Variants in WFDC8 observed in about 807,000 individuals in gnomAD.
WFDC8 encodes the protein WAP four-disulfide core domain 8.
WFDC8 carries 24 observed loss-of-function variants against 27.0 expected under a neutral mutation model. The ratio of observed to expected loss-of-function variants is 0.89; its 90% confidence interval spans 0.64 to 1.25. WFDC8 has a LOEUF of 1.25. Ranked by LOEUF, WFDC8 falls within the 50% of genes most tolerant of loss-of-function variation. The pLI is 0.00. For missense variants in WFDC8, 287 were observed against 295.9 expected (o/e 0.97, Z 0.22); for synonymous variants, 106 against 99.7 (o/e 1.06, Z -0.38).
At chr20:45,564,827 G>A (rs58384175) in intron 1 of WFDC8, among the ~76,000 whole-genome samples, 57,503 of 150,244 alleles carry the variant, frequency 0.38, 11,524 homozygotes, top group Non-Finnish European at 0.43. Flanking sequence ...GGGTGACAGA[G>A]TGAGACCCTG....
rs1981132503 is a variant in WFDC8, at chr20:45,578,784, T to G, written c.26+438A>C. Among the ~76,000 whole-genome samples, 3 of 152,244 alleles carry G rather than the reference T, an allele frequency of 2.0e-5. No individual in the cohort carries two copies. In the South Asian group the frequency reaches 6.2e-4, roughly 32 times the overall value. ...TGAAAATGTTTAGATACATATTATA[T>G]GCTTGTTTAATTTAAAATATCAAAC... On this transcript the variant is annotated intron_variant, in intron 1 of 5. Transcript: ENST00000289953.
chr20:45,556,648 C>T (rs939905120), intron 3 of WFDC8, among the ~76,000 whole-genome samples: 1 of 152,164 alleles, frequency 6.6e-6, no homozygotes. Flanking sequence ...AGCTCAACGT[C>T]AACCATTCTA....
intron 2 of WFDC8, among the ~76,000 whole-genome samples, chr20:45,560,160 A>C (rs1356859757): frequency 6.6e-6 from 1 of 152,194 alleles, no homozygotes; most frequent in Non-Finnish European, 1.5e-5. Flanking sequence ...TTGATTAGAG[A>C]GATTCAAATG....
rs1448368719 is a variant in WFDC8 at position 45,559,006 on chromosome 20, A to G, written c.137-14T>C. The G allele has an allele frequency of 6.2e-7, 1 of 1,613,486 alleles. No homozygotes were observed. Among genetic ancestry groups the G allele is most frequent in the Non-Finnish European group, 8.5e-7 (1 of 1,179,784 alleles). The stretch of plus-strand genomic sequence containing the variant: ...ACCCTGGTTTGTCTGCAAGAAAGAA[A>G]TGTCCAAACTCACATTCTTTCGGAA... On this transcript the variant is annotated splice_polypyrimidine_tract_variant and intron_variant, in intron 2 of 5. Transcript: ENST00000289953.
chr20:45,575,009 A>G (rs895882080), intron 1 of WFDC8, among the ~76,000 whole-genome samples: 4 of 152,202 alleles, frequency 2.6e-5, no homozygotes, highest in Admixed American at 1.3e-4. Flanking sequence ...CAAATTAGGT[A>G]TAGAAGGAAT....
intron 1 of WFDC8, among the ~76,000 whole-genome samples, chr20:45,563,253 C>T (rs1302673821): frequency 6.6e-6 from 1 of 152,136 alleles, no homozygotes; most frequent in Non-Finnish European, 1.5e-5. Flanking sequence ...TCGCTCAATC[C>T]CTTATAACAG....
chr20:45,561,999 C>G, intron 2 of WFDC8, 111 bp downstream of exon 2: 1 of 992,260 alleles, frequency 1.0e-6, no homozygotes. Flanking sequence ...TCTGTGGCCC[C>G]AAATCCACAG....
chr20:45,576,594 T>A (rs1317883667), intron 1 of WFDC8, among the ~76,000 whole-genome samples: 1 of 151,062 alleles, frequency 6.6e-6, no homozygotes, highest in Non-Finnish European at 1.5e-5. Flanking sequence ...GACGGGGTCT[T>A]TCCATGTTGC....
intron 3 of WFDC8, among the ~76,000 whole-genome samples, chr20:45,556,312 G>T (rs1036164675): frequency 1.3e-5 from 2 of 152,114 alleles, no homozygotes; most frequent in African/African-American, 4.8e-5. Context: ...CTGTACTTTT[G>T]CTAATGACTT....
intron 1 of WFDC8, among the ~76,000 whole-genome samples, chr20:45,578,705 G>A (rs1238658694): frequency 2.0e-4 from 31 of 152,202 alleles, no homozygotes; most frequent in Admixed American, 2.0e-3. Context: ...AAGATGGAAT[G>A]AATAGTTGTG....
At chr20:45,554,155 G>GT (rs10715751) in intron 4 of WFDC8, among the ~76,000 whole-genome samples, 15,349 of 151,340 alleles carry the variant, frequency 0.1, 798 homozygotes, top group African/African-American at 0.12. Flanking sequence ...CACCATGCCT[G>GT]TTTTTTTTGT....
intron 2 of WFDC8, chr20:45,559,666 T>G (rs941075528): frequency 1.3e-5 from 2 of 152,230 alleles, no homozygotes; most frequent in Admixed American, 1.3e-4. Context: ...CTATAATGCC[T>G]GGGGTAAGAC....
intron 4 of WFDC8, 47 bp from the exon 5 acceptor site, chr20:45,553,323 C>G (rs775985954): frequency 6.3e-7 from 1 of 1,578,716 alleles, no homozygotes; most frequent in Non-Finnish European, 8.6e-7. Context: ...ACCCCCATCC[C>G]ACCACCCTTC....
intron 4 of WFDC8, among the ~76,000 whole-genome samples, chr20:45,554,993 G>A (rs996121865): frequency 1.3e-5 from 2 of 152,096 alleles, no homozygotes; most frequent in South Asian, 2.1e-4. Context: ...AATTGTTACC[G>A]TTTAGTGAGC....
At chr20:45,562,358 GTCT>G in intron 1 of WFDC8, 139 bp from the exon 2 acceptor site, 1 of 678,044 alleles carries the variant, frequency 1.5e-6, no homozygotes, top group Non-Finnish European at 2.6e-6. Context: ...TGGGGAAGGA[GTCT>G]GTCTGAGGTC....
chr20:45,576,499 A>G (rs1402208651), intron 1 of WFDC8, among the ~76,000 whole-genome samples: 1 of 151,298 alleles, frequency 6.6e-6, no homozygotes, highest in Non-Finnish European at 1.5e-5. Context: ...TCCTGGGTTC[A>G]AATGATTCTT....
chr20:45,553,411 G>T, intron 4 of WFDC8, 135 bp from the exon 5 acceptor site: 2 of 1,123,822 alleles, frequency 1.8e-6, no homozygotes, highest in Non-Finnish European at 2.4e-6. Flanking sequence ...TCTCCAGTAG[G>T]CTGTGGAAGA....
chr20:45,568,731 G>T, intron 1 of WFDC8: 1 of 522,170 alleles, frequency 1.9e-6, no homozygotes, highest in Non-Finnish European at 3.9e-6. Flanking sequence ...AGAGCAGATG[G>T]TGACCCATGC....
At chr20:45,573,418 A>G (rs930398143) in intron 1 of WFDC8, among the ~76,000 whole-genome samples, 9 of 152,094 alleles carry the variant, frequency 5.9e-5, no homozygotes, top group African/African-American at 2.2e-4. Flanking sequence ...TGTACATTGT[A>G]CCCAATATGT....
Sources: gnomAD v4.1 joint callset for allele counts (sites outside exome capture counted in the v4.1 genomes callset) on GRCh38, gnomAD v4.1.1 for gene constraint, MANE v1.5 for transcripts, NCBI Gene and HGNC (gene_info 2026-07-23, HGNC 2026-07-21) for gene names.